The following ANO7 variants were observed in gnomAD, a reference collection of about 807,000 sequenced individuals.
ANO7 encodes the protein anoctamin 7, also known as anoctamin-7.
In ANO7, 114 loss-of-function variants were observed where a neutral mutation model predicts 115.8. The observed-to-expected ratio is 0.98, with a 90% CI of 0.85 to 1.15. ANO7 has a LOEUF of 1.15. Ranked by LOEUF, ANO7 falls within the 50% of genes most tolerant of loss-of-function variation. The pLI is 0.00. For missense variants in ANO7, 1,302 were observed against 1,201.2 expected, an observed-to-expected ratio of 1.08 and a Z score of -1.24; for synonymous variants, 550 against 498.2, an observed-to-expected ratio of 1.10 and a Z score of -1.38.
intron 22 of ANO7, 77 bp from the exon 23 acceptor site, chr2:241,223,585 G>A (rs1458466801): frequency 1.3e-5 from 21 of 1,566,924 alleles, no homozygotes; most frequent in African/African-American, 6.8e-5. Context: ...AGCAGGTGCC[G>A]GAGCCCCGGC....
In ANO7 at chr2:241,214,884, T is replaced by C. The variant is rs1238381860; in HGVS notation, c.1808T>C (p.Met603Thr). Residue 603 changes from methionine to threonine, a missense_variant, in exon 18 of 25, where the codon ATG becomes ACG. By Grantham distance (81) the Met-to-Thr change is moderately conservative. Transcript: ENST00000674324. The stretch of plus-strand genomic sequence containing the variant: ...GTGGGCAAGCAGGTCATCAACAACA[T>C]GCAGGAGGTCCTCATCCCGTGAGTC... ...IMVGKQVINN[M>T]QEVLIPKLKG... is the part of the protein sequence containing the mutation. The C allele has an allele frequency of 3.1e-6, 5 of 1,612,524 alleles. No individual in the cohort carries two copies. The highest frequency in any genetic ancestry group is 4.2e-6 in the Non-Finnish European group (5 of 1,179,884).
At chr2:241,192,329 GA>G (rs1033533417) in intron 3 of ANO7, among the ~76,000 whole-genome samples, 13 of 149,418 alleles carry the variant, frequency 8.7e-5, no homozygotes, top group Non-Finnish European at 1.8e-4. Flanking sequence ...CCATCTCCAA[GA>G]AAAAAAAAAG....
intron 10 of ANO7, 98 bp downstream of exon 10, chr2:241,205,053 C>A: frequency 9.8e-7 from 1 of 1,016,994 alleles, no homozygotes; most frequent in Non-Finnish European, 1.5e-6. Context: ...GTGCAGACAG[C>A]TGGTGCTTGA....
At chr2:241,210,024 G>GA (rs1026032455) in intron 13 of ANO7, among the ~76,000 whole-genome samples, 6 of 152,216 alleles carry the variant, frequency 3.9e-5, no homozygotes, top group African/African-American at 1.4e-4. Flanking sequence ...CAATTCCTGG[G>GA]ATGGGATGGC....
intron 17 of ANO7, chr2:241,212,889 T>C (rs957713344): frequency 4.3e-6 from 2 of 461,384 alleles, no homozygotes; most frequent in Non-Finnish European, 3.9e-6. Context: ...TCTCAGCACT[T>C]AGGGAGGCTG....
intron 3 of ANO7, among the ~76,000 whole-genome samples, chr2:241,192,213 T>C (rs1038600078): frequency 6.6e-6 from 1 of 152,154 alleles, no homozygotes; most frequent in Admixed American, 6.5e-5. Flanking sequence ...TAATTCCAGC[T>C]ACTCGGGAGG....
intron 15 of ANO7, among the ~76,000 whole-genome samples, chr2:241,211,224 T>TC (rs1408070675): frequency 6.6e-6 from 1 of 152,170 alleles, no homozygotes; most frequent in Non-Finnish European, 1.5e-5. Flanking sequence ...GTGGGAGATG[T>TC]CCCTCTAGGA....
chr2:241,201,581 A>AC (rs1462309072), intron 7 of ANO7, among the ~76,000 whole-genome samples: 1 of 152,166 alleles, frequency 6.6e-6, no homozygotes, highest in Non-Finnish European at 1.5e-5. Context: ...CCCCTCCGGG[A>AC]CCCCAGGGCT....
chr2:241,232,275 CTTTT>C, the ANO7 span, among the ~76,000 whole-genome samples: 1 of 143,456 alleles, frequency 7.0e-6, no homozygotes, highest in African/African-American at 2.6e-5. Flanking sequence ...TAAACAATGA[CTTTT>C]TTTTTTTTTT....
intron 7 of ANO7, among the ~76,000 whole-genome samples, 197 bp from the exon 8 acceptor site, chr2:241,201,996 TA>T (rs1324987704): frequency 6.6e-6 from 1 of 152,228 alleles, no homozygotes; most frequent in African/African-American, 2.4e-5. Flanking sequence ...GAATGAGCAC[TA>T]CCCTGGCACA....
At chr2:241,211,273 G>A (rs530183965) in intron 15 of ANO7, among the ~76,000 whole-genome samples, 568 of 152,226 alleles carry the variant, frequency 3.7e-3, no homozygotes, top group Non-Finnish European at 6.5e-3. Context: ...GTGGGGTATC[G>A]GCTGCTGGGC....
chr2:241,224,363 G>C lies in ANO7; in HGVS notation c.*210G>C. On this transcript the variant is annotated 3_prime_UTR_variant, in exon 25 of 25. Coordinates refer to ENST00000674324, the MANE Select transcript of ANO7 (RefSeq NM_001370694.2). Reference sequence around the variant, plus strand: ...CATCCCCGGCAGGGAGGGACCGTCAGCTCACAAGGCCCTCTTTGTTTCCTG... The same window carrying C: ...CATCCCCGGCAGGGAGGGACCGTCACCTCACAAGGCCCTCTTTGTTTCCTG... 1 of 598,028 alleles carries C rather than the reference G, an allele frequency of 1.7e-6. No homozygotes were observed. The highest frequency in any genetic ancestry group is 2.9e-6 in the Non-Finnish European group (1 of 340,750). 37.0% of individuals were successfully genotyped at this position (598,028 alleles called of 1,614,324 possible).
chr2:241,192,664 G>A (rs1456704466), intron 3 of ANO7, among the ~76,000 whole-genome samples: 2 of 152,162 alleles, frequency 1.3e-5, no homozygotes, highest in Admixed American at 1.3e-4. Context: ...TATCAAGGTG[G>A]AAGCCATCCA....
At chr2:241,218,208 G>A (rs1288871064) in intron 20 of ANO7, 31 bp from the exon 21 acceptor site, 3 of 1,353,316 alleles carry the variant, frequency 2.2e-6, no homozygotes, top group African/African-American at 1.5e-5. Flanking sequence ...CGGAGCGGGG[G>A]CCGCCTCGCG....
At chr2:241,235,485 T>C in the ANO7 span, 2 of 1,609,974 alleles carry the variant, frequency 1.2e-6, no homozygotes, top group Admixed American at 3.3e-5. Flanking sequence ...GGGAAAGGGG[T>C]CTACCTCAAA....
At chr2:241,207,987 C>T (rs1032599490) in intron 11 of ANO7, among the ~76,000 whole-genome samples, 11 of 152,064 alleles carry the variant, frequency 7.2e-5, no homozygotes, top group African/African-American at 2.7e-4. Context: ...CCCTGGAGAC[C>T]CCAGGGCACA....
chr2:241,220,570 G>A (rs959086333), intron 21 of ANO7, among the ~76,000 whole-genome samples: 1 of 152,200 alleles, frequency 6.6e-6, no homozygotes, highest in Non-Finnish European at 1.5e-5. Context: ...AGTGGCTCAT[G>A]CCTATGTTCC....
the ANO7 span, among the ~76,000 whole-genome samples, chr2:241,237,031 G>A: frequency 4.7e-5 from 7 of 148,298 alleles, no homozygotes; most frequent in Non-Finnish European, 7.4e-5. Flanking sequence ...CGTGAGCTCT[G>A]TGTCTCCCTT....
intron 5 of ANO7, 146 bp downstream of exon 5, chr2:241,199,569 A>G (rs765914794): frequency 3.7e-5 from 29 of 787,490 alleles, no homozygotes; most frequent in Non-Finnish European, 5.6e-5. Context: ...CCAGGCCCCA[A>G]GAAACCTCAC....
Sources: gnomAD v4.1 joint callset for allele counts (sites outside exome capture counted in the v4.1 genomes callset) on GRCh38, gnomAD v4.1.1 for gene constraint, MANE v1.5 for transcripts, NCBI Gene and HGNC (gene_info 2026-07-23, HGNC 2026-07-21) for gene names.